Variants in DENND1A observed in about 807,000 individuals in gnomAD.
DENND1A encodes DENN domain containing 1A.
DENND1A carries 51 observed loss-of-function variants against 113.7 expected under a neutral mutation model. The ratio of observed to expected loss-of-function variants is 0.45; its 90% confidence interval spans 0.36 to 0.57. The LOEUF is 0.57. DENND1A is among the 20% of genes least tolerant of loss of function. DENND1A has a pLI of 0.00. For synonymous variants in DENND1A, 565 were observed against 570.8 expected, an observed-to-expected ratio of 0.99 and a Z score of 0.14; for missense variants, 1,258 against 1,395.9, an observed-to-expected ratio of 0.90 and a Z score of 1.57.
chr9:123,552,031 G>C (rs1312387073), intron 13 of DENND1A, among the ~76,000 whole-genome samples: 16 of 144,008 alleles, frequency 1.1e-4, no homozygotes, highest in South Asian at 2.2e-4. Context: ...GAGAGAGAGA[G>C]AGAGAGACAG....
At chr9:123,445,952 C>G (rs2047273886) in intron 18 of DENND1A, among the ~76,000 whole-genome samples, 1 of 152,216 alleles carries the variant, frequency 6.6e-6, no homozygotes, top group Admixed American at 6.5e-5. Context: ...CACATTATCT[C>G]TTCTACTCCT....
chr9:123,669,428 A>G (rs939904833), intron 7 of DENND1A, among the ~76,000 whole-genome samples: 1 of 152,248 alleles, frequency 6.6e-6, no homozygotes, highest in Non-Finnish European at 1.5e-5. Context: ...TCCATTGCCC[A>G]TGAAATGCTG....
chr9:123,698,076 A>G (rs968715235), intron 5 of DENND1A, among the ~76,000 whole-genome samples: 1 of 152,190 alleles, frequency 6.6e-6, no homozygotes, highest in Admixed American at 6.5e-5. Context: ...ATCATACAGA[A>G]TAAGCAGAAA....
At position 123,397,832 on chromosome 9, in the gene DENND1A, C is replaced by G. The variant is rs752071637; in HGVS notation, c.1631+5570G>C. ...TTACCTGAAAAGAGCAGATTTTGCACGGATCTGGCCAGAGAAGTGAGCTGG... is the reference window on the plus strand; with the variant it reads ...TTACCTGAAAAGAGCAGATTTTGCAGGGATCTGGCCAGAGAAGTGAGCTGG... On this transcript the variant is annotated intron_variant, in intron 21 of 23. Coordinates refer to ENST00000394215, the MANE Select transcript of DENND1A (RefSeq NM_001352964.2). Among the ~76,000 whole-genome samples, 5 of 152,180 alleles carry G rather than the reference C, an allele frequency of 3.3e-5. No individual in the cohort carries two copies. In the East Asian group the frequency reaches 7.7e-4, roughly 23 times the overall value.
At chr9:123,927,470 G>GA (rs1230056229) in intron 1 of DENND1A, among the ~76,000 whole-genome samples, 2 of 151,846 alleles carry the variant, frequency 1.3e-5, no homozygotes, top group East Asian at 1.9e-4. Context: ...TGAAAAAAAA[G>GA]AAAAAAACCT....
intron 2 of DENND1A, among the ~76,000 whole-genome samples, chr9:123,820,728 C>G (rs72757139): frequency 2.6e-5 from 4 of 152,238 alleles, no homozygotes; most frequent in Non-Finnish European, 5.9e-5. Flanking sequence ...TATATGTGAT[C>G]ATCTTTTGTA....
chr9:123,742,777 G>C (rs2069134385), intron 5 of DENND1A, among the ~76,000 whole-genome samples: 1 of 152,194 alleles, frequency 6.6e-6, no homozygotes, highest in Non-Finnish European at 1.5e-5. Flanking sequence ...ACAGAAATAA[G>C]ATAAAAATTT....
chr9:123,641,733 C>G (rs1268533377), intron 9 of DENND1A, among the ~76,000 whole-genome samples: 1 of 152,152 alleles, frequency 6.6e-6, no homozygotes, highest in Non-Finnish European at 1.5e-5. Flanking sequence ...ATAACAGCCA[C>G]CAAAGAATAA....
intron 21 of DENND1A, among the ~76,000 whole-genome samples, chr9:123,399,499 C>G (rs1277939335): frequency 6.6e-6 from 1 of 152,178 alleles, no homozygotes; most frequent in Non-Finnish European, 1.5e-5. Flanking sequence ...TCCCGACTAG[C>G]TGGGACTACA....
intron 10 of DENND1A, among the ~76,000 whole-genome samples, chr9:123,628,335 G>C (rs1039288628): frequency 6.6e-6 from 1 of 151,650 alleles, no homozygotes; most frequent in African/African-American, 2.4e-5. Flanking sequence ...AGGGAGGAAG[G>C]TTCCTAGGGG....
At chr9:123,477,774 A>C (rs3924636) in intron 13 of DENND1A, among the ~76,000 whole-genome samples, 85,843 of 151,898 alleles carry the variant, frequency 0.57, 26,428 homozygotes, top group Non-Finnish European at 0.69. Context: ...AGATTAAATG[A>C]ACACGAGTGC....
intron 9 of DENND1A, among the ~76,000 whole-genome samples, chr9:123,636,378 G>A (rs2061700864): frequency 6.6e-6 from 1 of 151,660 alleles, no homozygotes; most frequent in East Asian, 1.9e-4. Flanking sequence ...GTGCAGTGGT[G>A]GGACCTCGGC....
chr9:123,636,187 G>A (rs1355473651), intron 9 of DENND1A, among the ~76,000 whole-genome samples: 2 of 152,136 alleles, frequency 1.3e-5, no homozygotes, highest in African/African-American at 4.8e-5. Flanking sequence ...TCCATCACCT[G>A]ACCAGGGCAC....
intron 5 of DENND1A, among the ~76,000 whole-genome samples, chr9:123,755,016 T>C (rs1000641502): frequency 2.0e-5 from 3 of 152,160 alleles, no homozygotes; most frequent in East Asian, 1.9e-4. Flanking sequence ...AAAAACCTTT[T>C]TGCAAAACTC....
chr9:123,440,335 C>G (rs2046833395), intron 19 of DENND1A, 25 bp downstream of exon 19: 1 of 1,576,382 alleles, frequency 6.3e-7, no homozygotes, highest in South Asian at 1.2e-5. Flanking sequence ...ACAAAACAGA[C>G]AGGTAGGAGG....
At chr9:123,878,876 C>T in intron 2 of DENND1A, 75 bp downstream of exon 2, 1 of 1,432,484 alleles carries the variant, frequency 7.0e-7, no homozygotes, top group South Asian at 1.2e-5. Context: ...TACTCATATT[C>T]ACATATTATC....
intron 5 of DENND1A, among the ~76,000 whole-genome samples, chr9:123,753,157 T>A (rs943074796): frequency 6.6e-6 from 1 of 152,226 alleles, no homozygotes; most frequent in South Asian, 2.1e-4. Context: ...CATTCCTTCA[T>A]AAAACAAGTA....
chr9:123,919,081 G>A (rs1337292265), intron 1 of DENND1A, among the ~76,000 whole-genome samples: 1 of 152,128 alleles, frequency 6.6e-6, no homozygotes, highest in Non-Finnish European at 1.5e-5. Context: ...TCAACCAATT[G>A]CAATGTATGA....
intron 5 of DENND1A, among the ~76,000 whole-genome samples, chr9:123,707,418 A>C (rs2066298177): frequency 6.6e-6 from 1 of 150,572 alleles, no homozygotes; most frequent in African/African-American, 2.4e-5. Flanking sequence ...AAAAAAAAAG[A>C]AGCCCAAGGA....
Sources: allele counts gnomAD v4.1 joint callset (sites outside exome capture counted in the v4.1 genomes callset), GRCh38; gene constraint gnomAD v4.1.1; transcripts MANE v1.5; gene names NCBI Gene and HGNC (gene_info 2026-07-23, HGNC 2026-07-21).